LARGE1: variants seen among roughly 807,000 people sequenced by gnomAD.
LARGE1 encodes the protein LARGE xylosyl- and glucuronyltransferase 1, also known as xylosyl- and glucuronyltransferase LARGE1.
LARGE1 carries 43 observed loss-of-function variants against 87.6 expected under a neutral mutation model. The ratio of observed to expected loss-of-function variants is 0.49; its 90% confidence interval spans 0.38 to 0.63. The LOEUF is 0.63. Ranked by LOEUF, LARGE1 falls within the 30% of genes least tolerant of loss-of-function variation. LARGE1 has a pLI of 0.00. For synonymous variants in LARGE1, 434 were observed against 394.6 expected (o/e 1.10, Z -1.18); for missense variants, 802 against 1,000.2 (o/e 0.80, Z 2.67).
chr22:33,399,545 G>A (rs1397284702), intron 7 of LARGE1, among the ~76,000 whole-genome samples: 1 of 152,168 alleles, frequency 6.6e-6, no homozygotes, highest in Non-Finnish European at 1.5e-5. Flanking sequence ...ACAGCGTGGC[G>A]ATTCTTCAAG....
chr22:33,782,917 T>C (rs948228001), intron 1 of LARGE1, among the ~76,000 whole-genome samples: 6 of 143,990 alleles, frequency 4.2e-5, no homozygotes, highest in Admixed American at 1.4e-4. Flanking sequence ...AGAGAGGGAG[T>C]GTTCCACTTC....
At chr22:33,905,775 T>A (rs1418710122) in intron 1 of LARGE1, among the ~76,000 whole-genome samples, 1 of 152,176 alleles carries the variant, frequency 6.6e-6, no homozygotes, top group Non-Finnish European at 1.5e-5. Context: ...GAGATTTTCA[T>A]ACCCAGAGCA....
At chr22:33,603,282 A>C (rs2079160061) in intron 5 of LARGE1, among the ~76,000 whole-genome samples, 1 of 152,238 alleles carries the variant, frequency 6.6e-6, no homozygotes, top group Non-Finnish European at 1.5e-5. Context: ...TGCCAGAGTC[A>C]GCCTCATGCT....
At chr22:33,141,128 A>C in the LARGE1 span, among the ~76,000 whole-genome samples, 1 of 152,054 alleles carries the variant, frequency 6.6e-6, no homozygotes, top group Non-Finnish European at 1.5e-5. Flanking sequence ...ATCTATGGAA[A>C]AAATTATTTA....
intron 6 of LARGE1, among the ~76,000 whole-genome samples, chr22:33,476,354 CAA>C (rs1413179982): frequency 1.3e-5 from 2 of 152,224 alleles, no homozygotes; most frequent in Non-Finnish European, 2.9e-5. Flanking sequence ...AATGGATGAT[CAA>C]AGACTCAAAA....
intron 1 of LARGE1, among the ~76,000 whole-genome samples, chr22:33,778,606 C>T (rs2085321571): frequency 6.6e-6 from 1 of 152,234 alleles, no homozygotes; most frequent in South Asian, 2.1e-4. Context: ...TCTCACTCAG[C>T]ACCATGTACC....
intron 11 of LARGE1, 40 bp downstream of exon 11, chr22:33,316,045 G>A (rs376963191): frequency 3.0e-5 from 49 of 1,606,874 alleles, no homozygotes; most frequent in Middle Eastern, 1.7e-4. Context: ...TGTAACAGCC[G>A]CGGTGAGGAG....
At chr22:33,692,963 A>T (rs1313106904) in intron 2 of LARGE1, among the ~76,000 whole-genome samples, 3 of 152,196 alleles carry the variant, frequency 2.0e-5, no homozygotes, top group African/African-American at 7.2e-5. Context: ...TCACTGCAGC[A>T]CTATTCACAA....
At chr22:33,268,988 C>T (rs964696787), downstream of LARGE1, among the ~76,000 whole-genome samples, 8 of 152,024 alleles carry the variant, frequency 5.3e-5, no homozygotes, top group African/African-American at 1.9e-4. Flanking sequence ...ATATGCATAG[C>T]CTTGTGTATG....
chr22:33,894,005 G>C (rs2065070430), intron 1 of LARGE1, among the ~76,000 whole-genome samples: 1 of 152,042 alleles, frequency 6.6e-6, no homozygotes, highest in Admixed American at 6.5e-5. Flanking sequence ...GCCTCACTGG[G>C]TCCCCAAACT....
chr22:33,654,328 C>T (rs2080900971), intron 2 of LARGE1, among the ~76,000 whole-genome samples: 1 of 152,170 alleles, frequency 6.6e-6, no homozygotes, highest in Admixed American at 6.5e-5. Context: ...TTATCTTGAG[C>T]CGGCCCCTTC....
chr22:33,503,343 G>A lies in LARGE1; in HGVS notation c.787+61505C>T, dbSNP rs556274709. On this transcript the variant is annotated intron_variant, in intron 6 of 14. Transcript: ENST00000397394. Reference sequence around the variant, plus strand: ...GCGATCTCGGCTCACTGCAACCTCCGCCTTCCGGGTTCAAGCAATTTTCCT... The same window carrying A: ...GCGATCTCGGCTCACTGCAACCTCCACCTTCCGGGTTCAAGCAATTTTCCT... Among the ~76,000 whole-genome samples the A allele has an allele frequency of 3.6e-3, 528 of 146,646 alleles. 4 individuals carry two copies. Among genetic ancestry groups the A allele is most frequent in the South Asian group, 0.019 (84 of 4,522 alleles).
chr22:33,904,242 G>A (rs1001585805), intron 1 of LARGE1, among the ~76,000 whole-genome samples: 6 of 152,062 alleles, frequency 3.9e-5, no homozygotes, highest in Non-Finnish European at 1.5e-5. Flanking sequence ...TGCAACCTCC[G>A]ACTCCCTGGT....
intron 1 of LARGE1, among the ~76,000 whole-genome samples, chr22:33,803,669 C>A (rs563687593): frequency 6.6e-6 from 1 of 152,322 alleles, no homozygotes; most frequent in East Asian, 1.9e-4. Context: ...CAGGCTCAAG[C>A]TTCAAGAGTT....
At chr22:33,245,072 T>C (rs1003434981) in intron 11 of LARGE1, among the ~76,000 whole-genome samples, 1 of 152,244 alleles carries the variant, frequency 6.6e-6, no homozygotes, top group Non-Finnish European at 1.5e-5. Flanking sequence ...CCTGGAGAAC[T>C]GAGGGTCCTG....
the LARGE1 span, among the ~76,000 whole-genome samples, chr22:33,069,158 T>C: frequency 1.3e-5 from 2 of 152,032 alleles, no homozygotes; most frequent in Non-Finnish European, 2.9e-5. Flanking sequence ...CTGCTTGCAG[T>C]GTGAGGGATG....
chr22:33,398,826 T>C (rs1431077701), intron 7 of LARGE1, among the ~76,000 whole-genome samples: 2 of 152,028 alleles, frequency 1.3e-5, no homozygotes, highest in Non-Finnish European at 2.9e-5. Context: ...GTTGAAGATA[T>C]ACCCTAAGGA....
At chr22:33,637,990 C>T (rs1018572145) in intron 3 of LARGE1, among the ~76,000 whole-genome samples, 1 of 152,108 alleles carries the variant, frequency 6.6e-6, no homozygotes, top group Admixed American at 6.5e-5. Context: ...AGGTTCCTTC[C>T]AGCTATAACA....
At chr22:33,209,423 G>T (rs1213208261) in intron 11 of LARGE1, among the ~76,000 whole-genome samples, 1 of 152,152 alleles carries the variant, frequency 6.6e-6, no homozygotes, top group Non-Finnish European at 1.5e-5. Context: ...ATGTTTGTTA[G>T]ATACCTTTCA....
Sources: gnomAD v4.1 joint callset for allele counts (sites outside exome capture counted in the v4.1 genomes callset) on GRCh38, gnomAD v4.1.1 for gene constraint, MANE v1.5 for transcripts, NCBI Gene and HGNC (gene_info 2026-07-23, HGNC 2026-07-21) for gene names.